The following GPC5 variants were observed in gnomAD, a reference collection of about 807,000 sequenced individuals.
The protein encoded by GPC5 is glypican-5.
A neutral mutation model predicts 53.9 loss-of-function variants in GPC5; 47 were observed. The ratio of observed to expected loss-of-function variants is 0.87; its 90% CI spans 0.69 to 1.11. The LOEUF is 1.11. GPC5 is among the 50% of genes most tolerant of loss of function. The probability of loss-of-function intolerance (pLI) is 0.00; values close to 1 mark genes in which losing one functional copy is unlikely to be tolerated. For missense variants in GPC5, 748 were observed against 713.1 expected (o/e 1.05, Z -0.56); for synonymous variants, 286 against 263.3 (o/e 1.09, Z -0.84).
chr13:92,095,313 A>G (rs888254062), intron 6 of GPC5, among the ~76,000 whole-genome samples: 43 of 152,006 alleles, frequency 2.8e-4, no homozygotes, highest in Non-Finnish European at 1.2e-4. Flanking sequence ...ATTGCTTTCA[A>G]TTCTTTTTTC....
At chr13:91,930,323 T>A (rs2039809586) in intron 6 of GPC5, among the ~76,000 whole-genome samples, 1 of 151,972 alleles carries the variant, frequency 6.6e-6, no homozygotes, top group Non-Finnish European at 1.5e-5. Flanking sequence ...ATGAAAGGAA[T>A]AAAGAAAAAA....
chr13:91,572,072 C>T (rs1346747517), intron 2 of GPC5, among the ~76,000 whole-genome samples: 1 of 131,952 alleles, frequency 7.6e-6, no homozygotes, highest in African/African-American at 3.4e-5. Flanking sequence ...CATGTATATA[C>T]ACACATATGT....
chr13:91,478,817 A>ATATATATATATATG (rs1376782348), intron 2 of GPC5, among the ~76,000 whole-genome samples: 13 of 119,840 alleles, frequency 1.1e-4, no homozygotes, highest in Admixed American at 5.8e-4. Flanking sequence ...ATATATATAT[A>ATATATATATATATG]TATATACACA....
At chr13:91,619,595 G>C (rs1476280756) in intron 2 of GPC5, among the ~76,000 whole-genome samples, 1 of 152,014 alleles carries the variant, frequency 6.6e-6, no homozygotes, top group Admixed American at 6.6e-5. Flanking sequence ...GACCTTTGGG[G>C]AGACATGCCA....
rs533083881 is a variant in GPC5 at position 92,150,997 on chromosome 13, A to C, written c.1561+6008A>C. On this transcript the variant is annotated intron_variant, in intron 7 of 7. Coordinates refer to ENST00000377067, the MANE Select transcript of GPC5 (RefSeq NM_004466.6). Reference sequence around the variant, plus strand: ...ACCAGAAACAAACCCATTCTTATCTAGGTCTATTTTTGATGTCATTTTGTT... The same window carrying C: ...ACCAGAAACAAACCCATTCTTATCTCGGTCTATTTTTGATGTCATTTTGTT... 7.9e-5 allele frequency among the ~76,000 whole-genome samples: 12 copies of C among 152,142 alleles called. 1 individual carries two copies. In the South Asian group the frequency reaches 2.3e-3, roughly 29 times the overall value.
chr13:91,398,669 GGCGGCGGCA>G lies in GPC5; in HGVS notation c.-376_-368del, dbSNP rs1458512699. 2 of 91,432 alleles carry G rather than the reference GGCGGCGGCA, an allele frequency of 2.2e-5. No individual in the cohort carries two copies. Among genetic ancestry groups the G allele is most frequent in the South Asian group, 3.0e-4 (1 of 3,308 alleles). 5.7% of individuals were successfully genotyped at this position (91,432 alleles called of 1,614,324 possible). On this transcript the variant is annotated 5_prime_UTR_variant, in exon 1 of 8. Transcript: ENST00000377067. ...CGAGCCGGGCGGCGGAGGCGGCGGC[GGCGGCGGCA>G]GTGGCGGCAGTGGCGGCAGTGGCGG...
At chr13:92,474,299 C>A (rs1879018909) in intron 7 of GPC5, among the ~76,000 whole-genome samples, 1 of 151,980 alleles carries the variant, frequency 6.6e-6, no homozygotes, top group Non-Finnish European at 1.5e-5. Flanking sequence ...TAGGCCCATC[C>A]ATCTGAGAGT....
intron 2 of GPC5, among the ~76,000 whole-genome samples, chr13:91,463,189 C>G (rs2139150291): frequency 6.6e-6 from 1 of 152,182 alleles, no homozygotes; most frequent in East Asian, 1.9e-4. Flanking sequence ...TAAATCATCT[C>G]TAGATTACTT....
intron 1 of GPC5, among the ~76,000 whole-genome samples, chr13:91,428,059 A>C (rs1287163242): frequency 6.6e-6 from 1 of 152,168 alleles, no homozygotes; most frequent in Non-Finnish European, 1.5e-5. Context: ...CAAATTACCC[A>C]GTCTTGAGTA....
chr13:92,485,510 T>C (rs1594241852), intron 7 of GPC5, among the ~76,000 whole-genome samples: 1 of 152,170 alleles, frequency 6.6e-6, no homozygotes, highest in Non-Finnish European at 1.5e-5. Context: ...AAAAATCACT[T>C]TCTTATATTT....
chr13:91,796,921 G>T (rs1398251761), intron 5 of GPC5, among the ~76,000 whole-genome samples: 1 of 152,012 alleles, frequency 6.6e-6, no homozygotes, highest in Non-Finnish European at 1.5e-5. Context: ...TTTAAAATTA[G>T]TATTTTTCCT....
intron 6 of GPC5, among the ~76,000 whole-genome samples, chr13:92,023,031 G>A (rs2040771645): frequency 6.6e-6 from 1 of 151,936 alleles, no homozygotes; most frequent in Admixed American, 6.6e-5. Context: ...TAAAATATTT[G>A]ACTCTGTTTC....
chr13:92,424,096 T>C (rs1876713929), intron 7 of GPC5, among the ~76,000 whole-genome samples: 1 of 152,122 alleles, frequency 6.6e-6, no homozygotes, highest in Non-Finnish European at 1.5e-5. Flanking sequence ...GAGAAATGTA[T>C]GAATGTTTCC....
At chr13:92,489,364 A>G (rs1357577881) in intron 7 of GPC5, among the ~76,000 whole-genome samples, 2 of 152,202 alleles carry the variant, frequency 1.3e-5, no homozygotes, top group African/African-American at 2.4e-5. Context: ...TGGAGTTTCT[A>G]TTCTAACGGG....
At chr13:92,519,248 G>A (rs1880927365) in intron 7 of GPC5, among the ~76,000 whole-genome samples, 1 of 152,156 alleles carries the variant, frequency 6.6e-6, no homozygotes, top group African/African-American at 2.4e-5. Flanking sequence ...GGATATCCAG[G>A]AGTTGAACTC....
chr13:92,145,674 G>A (rs1227819046), intron 7 of GPC5, among the ~76,000 whole-genome samples: 1 of 152,096 alleles, frequency 6.6e-6, no homozygotes, highest in Non-Finnish European at 1.5e-5. Context: ...GCATGCATTT[G>A]TTCATATGGG....
intron 7 of GPC5, among the ~76,000 whole-genome samples, chr13:92,626,031 T>A (rs531293245): frequency 6.6e-6 from 1 of 152,332 alleles, no homozygotes; most frequent in South Asian, 2.1e-4. Context: ...GCAATGAAAA[T>A]GTCTCCTGCT....
intron 7 of GPC5, among the ~76,000 whole-genome samples, chr13:92,188,445 A>C (rs1038959989): frequency 6.6e-6 from 1 of 152,214 alleles, no homozygotes; most frequent in African/African-American, 2.4e-5. Flanking sequence ...AAAGGATAAG[A>C]AAAAGTGAAG....
intron 7 of GPC5, among the ~76,000 whole-genome samples, chr13:92,310,484 C>A (rs1045813555): frequency 6.6e-6 from 1 of 152,110 alleles, no homozygotes; most frequent in Non-Finnish European, 1.5e-5. Context: ...ACAGCTGTAC[C>A]TTTCTGGAAA....
Sources: gnomAD v4.1 joint callset for allele counts (sites outside exome capture counted in the v4.1 genomes callset) on GRCh38, gnomAD v4.1.1 for gene constraint, MANE v1.5 for transcripts, NCBI Gene and HGNC (gene_info 2026-07-23, HGNC 2026-07-21) for gene names.